ZC3H12B: variants seen among roughly 807,000 people sequenced by gnomAD.
ZC3H12B encodes probable ribonuclease ZC3H12B.
A neutral mutation model predicts 43.9 loss-of-function variants in ZC3H12B; 7 were observed. That is an observed-to-expected ratio of 0.16 (90% CI 0.09 to 0.30). The LOEUF is 0.30. ZC3H12B is among the 10% of genes least tolerant of loss of function. The pLI, the probability that ZC3H12B is intolerant of heterozygous loss-of-function variation, is 1.00. For synonymous variants in ZC3H12B, 222 were observed against 241.7 expected, an observed-to-expected ratio of 0.92 and a Z score of 0.76; for missense variants, 475 against 670.2, an observed-to-expected ratio of 0.71 and a Z score of 3.22.
At chrX:65,365,363 T>G (rs1235083387), upstream of ZC3H12B, among the ~76,000 whole-genome samples, 1 of 111,217 alleles carries the variant, frequency 9.0e-6, no homozygotes, top group Non-Finnish European at 1.9e-5. Context: ...TTCTCTTATT[T>G]GGGCCTTGTG....
At chrX:65,277,742 A>T in the ZC3H12B span, among the ~76,000 whole-genome samples, 2 of 111,691 alleles carry the variant, frequency 1.8e-5, no homozygotes, top group Non-Finnish European at 3.8e-5. Flanking sequence ...TATGGCAATA[A>T]ATTCTCACAT....
At chrX:65,316,675 C>G in the ZC3H12B span, among the ~76,000 whole-genome samples, 2 of 111,683 alleles carry the variant, frequency 1.8e-5, no homozygotes, top group South Asian at 3.7e-4. Context: ...AAGACTGTTA[C>G]CAACCACCAC....
chrX:65,443,167 G>A (rs995991010), intron 3 of ZC3H12B, among the ~76,000 whole-genome samples: 1 of 111,233 alleles, frequency 9.0e-6, no homozygotes, highest in Admixed American at 9.6e-5. Flanking sequence ...AAGGTGAAAC[G>A]AACCAGACCC....
intron 2 of ZC3H12B, among the ~76,000 whole-genome samples, chrX:65,375,285 C>T (rs1332753984): frequency 8.9e-6 from 1 of 111,992 alleles, no homozygotes; most frequent in Non-Finnish European, 1.9e-5. Flanking sequence ...GGGGAATTAT[C>T]CATCCCAGCA....
chrX:65,233,607 A>C, the ZC3H12B span, among the ~76,000 whole-genome samples: 1 of 110,818 alleles, frequency 9.0e-6, no homozygotes, highest in Admixed American at 9.6e-5. Flanking sequence ...AGCAGTACTA[A>C]GACGGACATT....
chrX:65,264,732 G>A, the ZC3H12B span, among the ~76,000 whole-genome samples: 2 of 111,539 alleles, frequency 1.8e-5, no homozygotes, highest in African/African-American at 3.3e-5. Context: ...TGATTAAATA[G>A]TAAAAGCAAG....
chrX:65,479,330 G>T (rs2068034952), intron 3 of ZC3H12B, among the ~76,000 whole-genome samples: 1 of 108,741 alleles, frequency 9.2e-6, no homozygotes, highest in African/African-American at 3.4e-5. Context: ...CCAGGCCTTT[G>T]AATTTTTGTT....
the ZC3H12B span, among the ~76,000 whole-genome samples, chrX:65,059,379 A>C: frequency 9.0e-6 from 1 of 111,515 alleles, no homozygotes; most frequent in Non-Finnish European, 1.9e-5. Flanking sequence ...GTCTTTCATC[A>C]ATTTCAATTT....
At chrX:65,123,012 A>G in the ZC3H12B span, among the ~76,000 whole-genome samples, 2 of 112,008 alleles carry the variant, frequency 1.8e-5, no homozygotes, top group African/African-American at 6.5e-5. Context: ...GCCAGTTTTC[A>G]AAGGGAATGC....
At chrX:65,367,809 T>A (rs1395192642) in intron 1 of ZC3H12B, among the ~76,000 whole-genome samples, 1 of 111,450 alleles carries the variant, frequency 9.0e-6, no homozygotes, top group Non-Finnish European at 1.9e-5. Flanking sequence ...GATATCTAAA[T>A]TACACCTCCT....
chrX:65,094,926 A>T, the ZC3H12B span, among the ~76,000 whole-genome samples: 1 of 112,108 alleles, frequency 8.9e-6, no homozygotes, highest in East Asian at 2.8e-4. Context: ...AACCTAAAGG[A>T]ACAATTAACA....
chrX:65,090,383 C>A, the ZC3H12B span, among the ~76,000 whole-genome samples: 17 of 111,974 alleles, frequency 1.5e-4, no homozygotes, highest in African/African-American at 5.2e-4. Flanking sequence ...ATATTCTGCA[C>A]CCTCTACTTC....
chrX:65,405,664 A>T lies in ZC3H12B; in HGVS notation n.407+6960A>T, dbSNP rs923287340. 1.5e-4 allele frequency among the ~76,000 whole-genome samples: 17 copies of T among 111,778 alleles called. 1 individual carries two copies. The highest frequency in any genetic ancestry group is 1.5e-3 in the Admixed American group (16 of 10,538). ...AAATAAAGATTAAAACAAATAAATG[A>T]ATTTAAAATGAGGAAAATAATACAA... On this transcript the variant is annotated intron_variant and non_coding_transcript_variant, in intron 3 of 5. Transcript: ENST00000617377.
chrX:65,408,798 C>A, intron 3 of ZC3H12B: 1 of 427,718 alleles, frequency 2.3e-6, no homozygotes. Flanking sequence ...CAAAGCTTTC[C>A]ACTGAAACAC....
At chrX:65,357,400 G>A in the ZC3H12B span, 14 of 186,261 alleles carry the variant, frequency 7.5e-5, no homozygotes, top group East Asian at 8.3e-4. Context: ...ATAGTGTGGC[G>A]CTCCCAGAGG....
At chrX:65,078,254 G>T in the ZC3H12B span, among the ~76,000 whole-genome samples, 1 of 112,213 alleles carries the variant, frequency 8.9e-6, no homozygotes, top group South Asian at 3.7e-4. Flanking sequence ...TGTATTTCAA[G>T]GATGGAGATA....
chrX:65,391,838 G>A (rs2077340), intron 2 of ZC3H12B, among the ~76,000 whole-genome samples: 9,097 of 110,675 alleles, frequency 0.082, 1,026 homozygotes, highest in African/African-American at 0.29. Flanking sequence ...CTGTAATGCC[G>A]CGATCTTGGC....
At chrX:65,121,913 T>A in the ZC3H12B span, among the ~76,000 whole-genome samples, 1 of 111,940 alleles carries the variant, frequency 8.9e-6, no homozygotes, top group Non-Finnish European at 1.9e-5. Flanking sequence ...TAGTCAGTAG[T>A]CATTCAGGAG....
chrX:65,290,346 G>T, the ZC3H12B span, among the ~76,000 whole-genome samples: 1 of 110,815 alleles, frequency 9.0e-6, no homozygotes, highest in East Asian at 2.8e-4. Context: ...AACACATTTT[G>T]GCAAAGATGT....
Sources: gnomAD v4.1 joint callset for allele counts (sites outside exome capture counted in the v4.1 genomes callset) on GRCh38, gnomAD v4.1.1 for gene constraint, MANE v1.5 for transcripts, NCBI Gene and HGNC (gene_info 2026-07-23, HGNC 2026-07-21) for gene names.